Variants in LAMA5 observed in about 807,000 individuals in gnomAD.
LAMA5 encodes the protein laminin subunit alpha-5.
Under a neutral mutation model 433.4 loss-of-function variants are expected in LAMA5, and 260 were observed. That is an observed-to-expected ratio of 0.60 (90% CI 0.54 to 0.66). LAMA5 has a LOEUF of 0.66. Ranked by LOEUF, LAMA5 falls within the 30% of genes least tolerant of loss-of-function variation. The probability of loss-of-function intolerance (pLI) is 0.00; values close to 1 mark genes in which losing one functional copy is unlikely to be tolerated. For synonymous variants in LAMA5, 2,620 were observed against 2,226.6 expected, an observed-to-expected ratio of 1.18 and a Z score of -4.97; for missense variants, 5,378 against 5,258.5, an observed-to-expected ratio of 1.02 and a Z score of -0.70.
At chr20:62,343,525 C>T (rs753080705) in intron 11 of LAMA5, among the ~76,000 whole-genome samples, 2 of 152,134 alleles carry the variant, frequency 1.3e-5, no homozygotes, top group Non-Finnish European at 2.9e-5. Flanking sequence ...CCTGTAATCC[C>T]GGAACTTTGG....
intron 53 of LAMA5, 122 bp downstream of exon 53, chr20:62,318,317 AGGGGGGGAGGACGAG>A: frequency 3.2e-6 from 1 of 308,116 alleles, no homozygotes. Flanking sequence ...GAAGAGGAGG[AGGGGGGGAGGACGAG>A]GGAGGGGAGG....
chr20:62,358,697 A>G (rs1985606655), intron 2 of LAMA5, among the ~76,000 whole-genome samples: 1 of 152,054 alleles, frequency 6.6e-6, no homozygotes, highest in Admixed American at 6.5e-5. Flanking sequence ...AGCATGGCCA[A>G]CCCCACAGTC....
At chr20:62,337,151 A>G (rs1981778134) in intron 16 of LAMA5, among the ~76,000 whole-genome samples, 1 of 152,202 alleles carries the variant, frequency 6.6e-6, no homozygotes. Flanking sequence ...ATGAACACGC[A>G]CACCCACACT....
At position 62,333,233 on chromosome 20, in the gene LAMA5, AGAG is replaced by A; in HGVS notation, c.3136_3138del (p.Leu1046del). 1.3e-6 allele frequency: 2 copies of A among 1,546,076 alleles called. No individual in the cohort carries two copies. The highest frequency in any genetic ancestry group is 1.7e-6 in the Non-Finnish European group (2 of 1,144,050). On this transcript the variant is annotated inframe_deletion, in exon 26 of 80. Transcript: ENST00000252999. ...AAGCCATCCAGGGGGAGGTGTGTGTAGAGGAGGCAGCTGGGGGGACACAGGCCG... is the reference window on the plus strand; with the variant it reads ...AAGCCATCCAGGGGGAGGTGTGTGTAGAGGCAGCTGGGGGGACACAGGCCG...
chr20:62,335,189 TC>T, intron 19 of LAMA5, 27 bp downstream of exon 19: 1 of 1,611,848 alleles, frequency 6.2e-7, no homozygotes, highest in Non-Finnish European at 8.5e-7. Flanking sequence ...TGCCCCCAAA[TC>T]CCCCACACCT....
chr20:62,348,744 T>C (rs1432792635), intron 6 of LAMA5, among the ~76,000 whole-genome samples: 2 of 151,856 alleles, frequency 1.3e-5, no homozygotes, highest in African/African-American at 4.8e-5. Flanking sequence ...AATTAAAGAC[T>C]CAATGGATGG....
chr20:62,309,781 G>C lies in LAMA5; in HGVS notation c.10883C>G (p.Thr3628Ser). The C allele has an allele frequency of 6.2e-7, 1 of 1,607,884 alleles. No individual in the cohort carries two copies. Residue 3628 changes from threonine (T) to serine (S), a missense_variant, in exon 79 of 80, where the codon ACC (threonine) becomes AGC (serine). Transcript: ENST00000252999. ...RLEVDAQSNHTVGPLLAAAAG... is the reference protein window; with the variant it reads ...RLEVDAQSNHSVGPLLAAAAG... ...TGCAGCCGCCAGCAAGGGGCCCACGGTGTGGTTGCTCTGCGCGTCCACCTC... is the reference window on the plus strand; with the variant it reads ...TGCAGCCGCCAGCAAGGGGCCCACGCTGTGGTTGCTCTGCGCGTCCACCTC...
Position 62,324,483 on chromosome 20 carries a change from A to G in LAMA5, c.5601T>C (p.His1867=), listed in dbSNP as rs753383192. ...CAGGGAGGCAGCGGTCTGAGTGTCCATGGCACTGACAAGGGACACATCGGC... is the reference window on the plus strand; with the variant it reads ...CAGGGAGGCAGCGGTCTGAGTGTCCGTGGCACTGACAAGGGACACATCGGC... ...FLGRCVPCQC[H]GHSDRCLPGS... Residue 1867 remains histidine (H), a synonymous_variant, in exon 42 of 80, where the codon CAT becomes CAC. Coordinates refer to ENST00000252999, the MANE Select transcript of LAMA5 (RefSeq NM_005560.6). The surrounding 1 kb of genome is among the most constrained non-coding windows in gnomAD (Gnocchi z 4.4). The G allele has an allele frequency of 7.4e-6, 12 of 1,612,258 alleles. No individual in the cohort carries two copies. The highest frequency in any genetic ancestry group is 3.3e-5 in the Admixed American group (2 of 59,938).
In LAMA5 at chr20:62,310,077, A is replaced by G; in HGVS notation, c.10739T>C (p.Leu3580Pro). 1 of 1,610,712 alleles carries G rather than the reference A, an allele frequency of 6.2e-7. No homozygotes were observed. Among genetic ancestry groups the G allele is most frequent in the Non-Finnish European group, 8.5e-7 (1 of 1,179,410 alleles). ...CCCTGCTCCGTCATCCGCCCGCAGC[A>G]GGACCTGGCGGGGTAGGAAGGGAGG... ...LQLQVTEKQV[L>P]LRADDGAGEF... The change falls in exon 78 of 80, where the codon CTG becomes CCG. Residue 3580 changes from leucine (L) to proline (P), a missense_variant. Physicochemically the swap from Leu to Pro is moderately conservative, Grantham distance 98 (BLOSUM62 -3). Coordinates refer to ENST00000252999, the MANE Select transcript of LAMA5 (RefSeq NM_005560.6).
Position 62,311,320 on chromosome 20 carries a change from ATGG to A in LAMA5, c.9943-16_9943-14del. On this transcript the variant is annotated splice_polypyrimidine_tract_variant and intron_variant, in intron 72 of 79. Coordinates refer to ENST00000252999, the MANE Select transcript of LAMA5 (RefSeq NM_005560.6). ...TGCGGCGGGAGGCCTGGGGGCGTGG[ATGG>A]TGAATGCAGGGGCCGCCCACACAGG... 1 of 1,552,534 alleles carries A rather than the reference ATGG, an allele frequency of 6.4e-7. No individual in the cohort carries two copies. Among genetic ancestry groups the A allele is most frequent in the Non-Finnish European group, 8.7e-7 (1 of 1,152,324 alleles).
At position 62,311,215 on chromosome 20, in the gene LAMA5, A is replaced by G. The variant is rs760117255; in HGVS notation, c.10035T>C (p.Gly3345=). The part of the protein sequence containing the change: ...RTTRDSYQFG[G]SLSSHLEFVG... Reference sequence around the variant, plus strand: ...CAAACTCCAGGTGACTGGACAGGGAACCCCCAAACTGGTAGGAGTCTCGGG... The same window carrying G: ...CAAACTCCAGGTGACTGGACAGGGAGCCCCCAAACTGGTAGGAGTCTCGGG... The change falls in exon 73 of 80, where the codon GGT becomes GGC. Residue 3345 remains glycine (G), a synonymous_variant. Coordinates refer to ENST00000252999, the MANE Select transcript of LAMA5 (RefSeq NM_005560.6). 7 of 1,609,396 alleles carry G rather than the reference A, an allele frequency of 4.3e-6. No homozygotes were observed. Among genetic ancestry groups the G allele is most frequent in the South Asian group, 1.1e-5 (1 of 90,788 alleles).
intron 7 of LAMA5, 33 bp downstream of exon 7, chr20:62,346,880 G>GC (rs1161039996): frequency 6.2e-7 from 1 of 1,608,876 alleles, no homozygotes; most frequent in South Asian, 1.1e-5. Context: ...CAGGGTGTGG[G>GC]CAGGACACAC....
intron 72 of LAMA5, 22 bp downstream of exon 72, chr20:62,311,379 T>G: frequency 6.5e-7 from 1 of 1,534,564 alleles, no homozygotes; most frequent in Non-Finnish European, 8.8e-7. Flanking sequence ...CAGCTCTGCC[T>G]GCTCACCCCT....
chr20:62,360,737 T>G (rs1601433006), intron 2 of LAMA5, among the ~76,000 whole-genome samples: 1 of 150,156 alleles, frequency 6.7e-6, no homozygotes, highest in East Asian at 2.0e-4. Flanking sequence ...CATTTTACAG[T>G]TGGTGAAACT....
rs137921751 is a variant in LAMA5, at chr20:62,309,811, C to T, written c.10853G>A (p.Arg3618Gln). The T allele has an allele frequency of 1.4e-5, 22 of 1,611,230 alleles. No homozygotes were observed. The highest frequency in any genetic ancestry group is 1.3e-4 in the African/African-American group (10 of 74,794). ...LAVMKSGNVL[R>Q]LEVDAQSNHT... ...GTTGCTCTGCGCGTCCACCTCCAGC[C>T]GGAGCACATTCCCGCTTTTCATCAC... The change falls in exon 79 of 80, where the codon CGG becomes CAG. Residue 3618 changes from arginine to glutamine, a missense_variant. Transcript: ENST00000252999.
intron 11 of LAMA5, among the ~76,000 whole-genome samples, chr20:62,341,751 G>A (rs1224418269): frequency 6.7e-6 from 1 of 149,340 alleles, no homozygotes; most frequent in African/African-American, 2.5e-5. Context: ...ACCTCAGCAG[G>A]TCTTATCAAG....
rs1162481305 is a variant in LAMA5 at position 62,333,546 on chromosome 20, C to T, written c.3021+18G>A. 1 of 1,566,480 alleles carries T rather than the reference C, an allele frequency of 6.4e-7. No individual in the cohort carries two copies. ...CCCCTGACCCGGCCCCCAGCCCTCACTCTGGCCCCTGCCTCACCAGGAGCA... is the reference window on the plus strand; with the variant it reads ...CCCCTGACCCGGCCCCCAGCCCTCATTCTGGCCCCTGCCTCACCAGGAGCA... On this transcript the variant is annotated intron_variant, in intron 24 of 79. Transcript: ENST00000252999.
Position 62,338,369 on chromosome 20 carries a change from G to C in LAMA5, c.1619C>G (p.Pro540Arg). ...APGFYGPGCQPCQCSSPGVAD... is the reference protein window; with the variant it reads ...APGFYGPGCQRCQCSSPGVAD... ...CACTCCAGGGCTGGAACACTGGCAG[G>C]CTGCAGGAAAGGGTGGCCCACATGC... is the stretch of plus-strand genomic sequence containing the variant. The change falls in exon 13 of 80, where the codon CCC becomes CGC. Residue 540 changes from proline to arginine, a missense_variant and splice_region_variant. By Grantham distance (103) the Pro-to-Arg change is moderately radical. Coordinates refer to ENST00000252999, the MANE Select transcript of LAMA5 (RefSeq NM_005560.6). The C allele has an allele frequency of 6.2e-7, 1 of 1,607,608 alleles. No homozygotes were observed. Among genetic ancestry groups the C allele is most frequent in the Non-Finnish European group, 8.5e-7 (1 of 1,177,076 alleles).
rs1372528373 is a variant in LAMA5, at chr20:62,328,250, C to G, written c.4643G>C (p.Gly1548Ala). Residue 1548 changes from glycine (G) to alanine (A), a missense_variant, in exon 35 of 80, where the codon GGC becomes GCC. Physicochemically the swap from Gly to Ala is moderately conservative, Grantham distance 60. Coordinates refer to ENST00000252999, the MANE Select transcript of LAMA5 (RefSeq NM_005560.6). ...LTDPTCDTDS[G>A]QCKCRPNVTG... ...CGCTCTGGGCTCTCACTTGCACTGG[C>G]CGCTGTCTGTGTCACAGGTAGGGTC... 1 of 1,604,650 alleles carries G rather than the reference C, an allele frequency of 6.2e-7. No homozygotes were observed. Among genetic ancestry groups the G allele is most frequent in the Non-Finnish European group, 8.5e-7 (1 of 1,176,040 alleles).
Sources: allele counts gnomAD v4.1 joint callset (sites outside exome capture counted in the v4.1 genomes callset), GRCh38; gene constraint gnomAD v4.1.1; non-coding constraint Gnocchi (gnomAD v3.1); transcripts MANE v1.5; gene names NCBI Gene and HGNC (gene_info 2026-07-23, HGNC 2026-07-21).